AKIP1: variants seen among roughly 807,000 people sequenced by gnomAD.
AKIP1 encodes the protein A-kinase interacting protein 1.
A neutral mutation model predicts 22.3 loss-of-function variants in AKIP1; 18 were observed. That is an observed-to-expected ratio of 0.81 (90% CI 0.56 to 1.19). The LOEUF (loss-of-function observed/expected upper bound fraction) is 1.19. Ranked by LOEUF, AKIP1 falls within the 50% of genes most tolerant of loss-of-function variation. The pLI is 0.00. For missense variants in AKIP1, 287 were observed against 264.6 expected (o/e 1.08, Z -0.59); for synonymous variants, 120 against 102.7 (o/e 1.17, Z -1.02).
At chr11:8,911,926 G>A (rs1424408831) in intron 2 of AKIP1, among the ~76,000 whole-genome samples, 2 of 151,798 alleles carry the variant, frequency 1.3e-5, no homozygotes, top group Admixed American at 6.6e-5. Context: ...AGCCGGGCGC[G>A]GTGGCTCATG....
rs112956363 is a variant in AKIP1, at chr11:8,911,623, C to T, written c.174C>T (p.His58=). ...CMGVLAREAP[H]LEKQPAAGPQ... Reference sequence around the variant, plus strand: ...GGGTCCTTGCCCGGGAGGCGCCCCACCTAGAGAAACAGCCGGCAGCCGGCC... The same window carrying T: ...GGGTCCTTGCCCGGGAGGCGCCCCATCTAGAGAAACAGCCGGCAGCCGGCC... The change falls in exon 2 of 6, where the codon CAC becomes CAT. Residue 58 remains histidine (H), a synonymous_variant. Coordinates refer to ENST00000309377, the MANE Select transcript of AKIP1 (RefSeq NM_020642.4). 2 of 1,594,396 alleles carry T rather than the reference C, an allele frequency of 1.3e-6. No homozygotes were observed. The highest frequency in any genetic ancestry group is 1.8e-5 in the Admixed American group (1 of 56,284).
In AKIP1 at chr11:8,917,760, C is replaced by T. The variant is rs1022201152; in HGVS notation, c.489+393C>T. 1.1e-4 allele frequency: 39 copies of T among 340,638 alleles called. 1 individual carries two copies. The highest frequency in any genetic ancestry group is 9.9e-4 in the Admixed American group (22 of 22,156). 21.1% of individuals were successfully genotyped at this position (340,638 alleles called of 1,614,324 possible). A position where few individuals can be genotyped will look rare whatever the true frequency, so the allele number is the denominator to read the frequency against. Reference sequence around the variant, plus strand: ...CATTGCTGAAATTCCGAAACATACACATTTGGTGAGATCAGGTTCCAAAAC... The same window carrying T: ...CATTGCTGAAATTCCGAAACATACATATTTGGTGAGATCAGGTTCCAAAAC... On this transcript the variant is annotated intron_variant, in intron 5 of 5. Transcript: ENST00000309377.
At chr11:8,912,875 T>TTTTTC (rs2064415652) in intron 3 of AKIP1, among the ~76,000 whole-genome samples, 1 of 125,336 alleles carries the variant, frequency 8.0e-6, no homozygotes, top group Non-Finnish European at 1.7e-5. Context: ...TTTTAACTTT[T>TTTTTC]TTTTTTTTTT....
Position 8,919,667 on chromosome 11 carries a change from C to T in AKIP1, c.*187C>T, listed in dbSNP as rs1435415349. The stretch of plus-strand genomic sequence containing the variant: ...GGTTGGTTTTTTTTTGAGACAGTCT[C>T]ACTCTGTTGCCCAGGCTGGAGTGCA... On this transcript the variant is annotated 3_prime_UTR_variant, in exon 6 of 6. Transcript: ENST00000309377. The T allele has an allele frequency of 1.5e-5, 9 of 619,746 alleles. No individual in the cohort carries two copies. Among genetic ancestry groups the T allele is most frequent in the African/African-American group, 5.6e-5 (3 of 53,638 alleles). The allele number at this position is 619,746 out of a possible 1,614,324, so 38.4% of individuals were successfully genotyped here.
At chr11:8,915,016 G>A (rs2064457896) in intron 4 of AKIP1, 86 bp downstream of exon 4, 1 of 998,012 alleles carries the variant, frequency 1.0e-6, no homozygotes. Flanking sequence ...TAGACTTTGT[G>A]TCACTGGATG....
At position 8,911,240 on chromosome 11, in the gene AKIP1, A is replaced by C. The variant is rs534878273; in HGVS notation, c.-7+17A>C. The C allele has an allele frequency of 5.3e-6, 3 of 569,980 alleles. No individual in the cohort carries two copies. The African/African-American group carries it at 5.7e-5, about 11-fold the overall frequency. 35.3% of individuals were successfully genotyped at this position (569,980 alleles called of 1,614,324 possible). ...GTGAGCCGGGTGAGGGGGCTCCCTA[A>C]GTAGCGGAAGGGGTAGATGAAAATG... is the stretch of plus-strand genomic sequence containing the variant. On this transcript the variant is annotated intron_variant, in intron 1 of 5. Coordinates refer to ENST00000309377, the MANE Select transcript of AKIP1 (RefSeq NM_020642.4).
chr11:8,912,132 G>A (rs1450277524), intron 2 of AKIP1, among the ~76,000 whole-genome samples: 3 of 151,222 alleles, frequency 2.0e-5, no homozygotes, highest in South Asian at 2.1e-4. Flanking sequence ...GGGAGGCGGA[G>A]GTCGCGGTGA....
At chr11:8,918,644 C>T (rs2064525007) in intron 5 of AKIP1, among the ~76,000 whole-genome samples, 1 of 152,174 alleles carries the variant, frequency 6.6e-6, no homozygotes, top group Non-Finnish European at 1.5e-5. Flanking sequence ...GAGACCCATC[C>T]TCTGCCTGCA....
intron 1 of AKIP1, 35 bp downstream of exon 1, chr11:8,911,258 T>C: frequency 1.7e-6 from 1 of 588,338 alleles, no homozygotes; most frequent in African/African-American, 1.9e-5. Context: ...AAGGGGTAGA[T>C]GAAAATGGAA....
chr11:8,919,193 C>A (rs1182433087), intron 5 of AKIP1, 144 bp from the exon 6 acceptor site: 3 of 737,400 alleles, frequency 4.1e-6, no homozygotes, highest in Non-Finnish European at 6.7e-6. Flanking sequence ...CGTGAGCAGG[C>A]TGAGCCTTGA....
At chr11:8,912,835 A>G (rs1247471746) in intron 3 of AKIP1, among the ~76,000 whole-genome samples, 3 of 151,118 alleles carry the variant, frequency 2.0e-5, no homozygotes, top group Non-Finnish European at 4.4e-5. Context: ...GCCGAATTTC[A>G]TAGCAAATAA....
intron 3 of AKIP1, among the ~76,000 whole-genome samples, chr11:8,913,375 A>G (rs568595966): frequency 6.6e-6 from 1 of 151,832 alleles, no homozygotes; most frequent in South Asian, 2.1e-4. Context: ...TTTAGTAGAG[A>G]CAGGGCTTCA....
chr11:8,914,774 A>C, intron 3 of AKIP1, 52 bp from the exon 4 acceptor site: 2 of 1,469,086 alleles, frequency 1.4e-6, no homozygotes, highest in Non-Finnish European at 1.9e-6. Context: ...GGTTTTTTGA[A>C]AATTTGACAA....
At chr11:8,917,246 G>A in intron 4 of AKIP1, 41 bp from the exon 5 acceptor site, 1 of 1,409,766 alleles carries the variant, frequency 7.1e-7, no homozygotes, top group Non-Finnish European at 9.8e-7. Flanking sequence ...ATCCAAAAGT[G>A]AAAGCTTGGG....
chr11:8,914,935 G>T lies in AKIP1; in HGVS notation c.408+5G>T. The T allele has an allele frequency of 6.2e-7, 1 of 1,609,482 alleles. No homozygotes were observed. The highest frequency in any genetic ancestry group is 1.1e-5 in the South Asian group (1 of 90,988). On this transcript the variant is annotated splice_donor_5th_base_variant and intron_variant, in intron 4 of 5. Transcript: ENST00000309377. The stretch of plus-strand genomic sequence containing the variant: ...TTGGACATAGGGAATGGTCAGGTAA[G>T]TGTACTCAACTGTCCTGCACCATGC...
intron 1 of AKIP1, 53 bp from the exon 2 acceptor site, chr11:8,911,391 G>A (rs2064338605): frequency 1.3e-6 from 2 of 1,482,796 alleles, no homozygotes; most frequent in African/African-American, 2.8e-5. Flanking sequence ...TTGGAGCAGG[G>A]TCGCCGCGGC....
intron 5 of AKIP1, 135 bp from the exon 6 acceptor site, chr11:8,919,202 G>A: frequency 1.2e-6 from 1 of 821,802 alleles, no homozygotes; most frequent in Admixed American, 2.5e-5. Context: ...GCTGAGCCTT[G>A]AAAGCAGGAC....
Position 8,911,449 on chromosome 11 carries a change from C to A in AKIP1, c.-1C>A. 6.3e-7 allele frequency: 1 copy of A among 1,590,312 alleles called. No homozygotes were observed. The highest frequency in any genetic ancestry group is 8.6e-7 in the Non-Finnish European group (1 of 1,168,532). ...TACGTTGTGTGCCCACTCAGGGAGC[C>A]ATGGACAACTGTTTGGCGGCCGCAG... is the stretch of plus-strand genomic sequence containing the variant. On this transcript the variant is annotated 5_prime_UTR_variant, in exon 2 of 6. Coordinates refer to ENST00000309377, the MANE Select transcript of AKIP1 (RefSeq NM_020642.4).
At chr11:8,914,740 A>T in intron 3 of AKIP1, 86 bp from the exon 4 acceptor site, 1 of 981,718 alleles carries the variant, frequency 1.0e-6, no homozygotes, top group Non-Finnish European at 1.6e-6. Flanking sequence ...CTCCCTCCTT[A>T]ACTGCACTTT....
Sources: gnomAD v4.1 joint callset for allele counts (sites outside exome capture counted in the v4.1 genomes callset) on GRCh38, gnomAD v4.1.1 for gene constraint, MANE v1.5 for transcripts, NCBI Gene and HGNC (gene_info 2026-07-23, HGNC 2026-07-21) for gene names.